AHI1: variants seen among roughly 807,000 people sequenced by gnomAD.
AHI1 encodes Abelson helper integration site 1.
In AHI1, 123 loss-of-function variants were observed where a neutral mutation model predicts 149.3. That is an observed-to-expected ratio of 0.82 (90% CI 0.71 to 0.96). AHI1 has a LOEUF of 0.96. AHI1 is among the 40% of genes least tolerant of loss of function. The probability of loss-of-function intolerance (pLI) is 0.00; values close to 1 mark genes in which losing one functional copy is unlikely to be tolerated. For synonymous variants in AHI1, 475 were observed against 459.8 expected (o/e 1.03, Z -0.42); for missense variants, 1,439 against 1,422.7 (o/e 1.01, Z -0.18).
At chr6:135,440,275 G>A (rs1482048603) in intron 14 of AHI1, among the ~76,000 whole-genome samples, 1 of 152,118 alleles carries the variant, frequency 6.6e-6, no homozygotes, top group Admixed American at 6.5e-5. Context: ...TGGGAGGACA[G>A]CCCTAACCCT....
chr6:135,301,845 C>T (rs1206399126), intron 26 of AHI1: 1 of 985,306 alleles, frequency 1.0e-6, no homozygotes. Flanking sequence ...ACTACTAATT[C>T]AGACTGCCCT....
At chr6:135,348,540 C>T (rs1791596033) in intron 24 of AHI1, among the ~76,000 whole-genome samples, 1 of 152,114 alleles carries the variant, frequency 6.6e-6, no homozygotes, top group Non-Finnish European at 1.5e-5. Flanking sequence ...TAACACTCCT[C>T]ATGCAAAATT....
At position 135,318,580 on chromosome 6, in the gene AHI1, C is replaced by T. The variant is rs372888581; in HGVS notation, c.3365G>A (p.Arg1122Gln). 16 of 1,605,542 alleles carry T rather than the reference C, an allele frequency of 1.0e-5. No individual in the cohort carries two copies. Among genetic ancestry groups the T allele is most frequent in the Admixed American group, 6.8e-5 (4 of 58,978 alleles). ...TTCCTCAGGGCTTAAAGGAGGGGAT[C>T]GCTCCTTTATCTCAGGAGGCAGTTC... The part of the protein sequence containing the change: ...YQELPPEIKE[R>Q]SPPLSPEEKT... The change falls in exon 26 of 29, where the codon CGA (arginine) becomes CAA (glutamine). Residue 1122 changes from arginine (R) to glutamine (Q), a missense_variant. Coordinates refer to ENST00000265602, the MANE Select transcript of AHI1 (RefSeq NM_001134831.2).
At chr6:135,490,813 G>C in intron 4 of AHI1, 66 bp from the exon 5 acceptor site, 1 of 1,537,058 alleles carries the variant, frequency 6.5e-7, no homozygotes, top group East Asian at 2.3e-5. Context: ...TACACTACTA[G>C]GATGTTAAGA....
chr6:135,411,368 G>T lies in AHI1; in HGVS notation c.2941C>A (p.Gln981Lys). The T allele has an allele frequency of 6.2e-7, 1 of 1,613,796 alleles. No homozygotes were observed. Among genetic ancestry groups the T allele is most frequent in the Non-Finnish European group, 8.5e-7 (1 of 1,179,738 alleles). ...SSSTKMQLVK[Q>K]RLETVTEVIR... Reference sequence around the variant, plus strand: ...CTTACTGTGACAGTTTCAAGCCTCTGTTTTACTAGCTGCATCTTCGTTGAA... The same window carrying T: ...CTTACTGTGACAGTTTCAAGCCTCTTTTTTACTAGCTGCATCTTCGTTGAA... Residue 981 changes from glutamine to lysine, a missense_variant, in exon 21 of 29, where the codon CAG (glutamine) becomes AAG (lysine). By Grantham distance (53) the Gln-to-Lys change is moderately conservative (BLOSUM62 1). Coordinates refer to ENST00000265602, the MANE Select transcript of AHI1 (RefSeq NM_001134831.2).
intron 24 of AHI1, among the ~76,000 whole-genome samples, chr6:135,344,600 G>A (rs1205663100): frequency 1.3e-5 from 2 of 151,292 alleles, no homozygotes; most frequent in Non-Finnish European, 3.0e-5. Flanking sequence ...ATATAGATTT[G>A]TTAACTTCAA....
At chr6:135,378,156 A>T (rs1212387170) in intron 23 of AHI1, among the ~76,000 whole-genome samples, 1 of 152,146 alleles carries the variant, frequency 6.6e-6, no homozygotes. Flanking sequence ...ACTGGCTCTG[A>T]CAATTGTTAG....
chr6:135,390,104 C>T (rs1778267939), intron 23 of AHI1, among the ~76,000 whole-genome samples: 3 of 151,928 alleles, frequency 2.0e-5, no homozygotes, highest in Admixed American at 2.0e-4. Flanking sequence ...TCCAATGTGG[C>T]CCTGGGAAGC....
chr6:135,383,226 C>CTTTTTTTT lies in AHI1; in HGVS notation c.3109+11542_3109+11549dup, dbSNP rs764546253. Reference sequence around the variant, plus strand: ...GATTGATTCCTTCCTTCCCCCCTCCCTTTTTTTTTTTTTTTTTTTTTGAGA... The same window carrying CTTTTTTTT: ...GATTGATTCCTTCCTTCCCCCCTCCCTTTTTTTTTTTTTTTTTTTTTTTTTTTTTGAGA... On this transcript the variant is annotated intron_variant, in intron 23 of 28. Coordinates refer to ENST00000265602, the MANE Select transcript of AHI1 (RefSeq NM_001134831.2). Among the ~76,000 whole-genome samples, 375 of 76,860 alleles carry CTTTTTTTT rather than the reference C, an allele frequency of 4.9e-3. 70 individuals carry two copies. The highest frequency in any genetic ancestry group is 0.019 in the Middle Eastern group (1 of 54). The allele number at this position is 76,860 out of a possible 152,430, so 50.4% of individuals were successfully genotyped here.
intron 13 of AHI1, among the ~76,000 whole-genome samples, chr6:135,443,417 A>G (rs564024823): frequency 2.0e-5 from 3 of 152,312 alleles, no homozygotes; most frequent in African/African-American, 7.2e-5. Context: ...TTATAATTCA[A>G]AAAGTTGAAG....
In AHI1 at chr6:135,286,183, A is replaced by G. The variant is rs144733682; in HGVS notation, c.3589-536T>C. On this transcript the variant is annotated intron_variant, in intron 28 of 28. Coordinates refer to ENST00000265602, the MANE Select transcript of AHI1 (RefSeq NM_001134831.2). The stretch of plus-strand genomic sequence containing the variant: ...AAATGGGCTGTCTCATTTTTGACCA[A>G]GATAGTAACAATCAAGCATCCAGAT... Among the ~76,000 whole-genome samples, 1,492 of 152,334 alleles carry G rather than the reference A, an allele frequency of 9.8e-3. 36 individuals carry two copies. Among genetic ancestry groups the G allele is most frequent in the African/African-American group, 0.034 (1,433 of 41,560 alleles).
chr6:135,359,104 T>G (rs1793448389), intron 23 of AHI1, among the ~76,000 whole-genome samples: 1 of 152,224 alleles, frequency 6.6e-6, no homozygotes. Flanking sequence ...CTCATTTTTC[T>G]TAAAGTACGG....
At chr6:135,292,203 T>G (rs903739282) in intron 27 of AHI1, among the ~76,000 whole-genome samples, 3 of 152,042 alleles carry the variant, frequency 2.0e-5, no homozygotes, top group African/African-American at 7.2e-5. Context: ...GGCACTGCCC[T>G]ACTTTTGTGC....
chr6:135,309,411 A>C (rs980228171), intron 26 of AHI1, among the ~76,000 whole-genome samples: 6 of 152,192 alleles, frequency 3.9e-5, no homozygotes, highest in African/African-American at 1.4e-4. Context: ...ATTGAAACAA[A>C]TTAGGGGAAA....
intron 23 of AHI1, among the ~76,000 whole-genome samples, chr6:135,365,788 G>C (rs1323698132): frequency 6.6e-6 from 1 of 152,158 alleles, no homozygotes; most frequent in African/African-American, 2.4e-5. Flanking sequence ...TTACTGATTT[G>C]AATGTCCTTT....
chr6:135,320,676 T>G (rs571925116), intron 25 of AHI1, among the ~76,000 whole-genome samples: 1 of 152,286 alleles, frequency 6.6e-6, no homozygotes, highest in Admixed American at 6.5e-5. Context: ...GTAAACTACA[T>G]TCTCAAATTA....
At chr6:135,296,721 T>G (rs1328100732) in intron 27 of AHI1, among the ~76,000 whole-genome samples, 1 of 152,208 alleles carries the variant, frequency 6.6e-6, no homozygotes, top group East Asian at 1.9e-4. Flanking sequence ...CTCCATACTG[T>G]AGCACACATC....
At chr6:135,446,644 C>G (rs948901643) in intron 13 of AHI1, among the ~76,000 whole-genome samples, 4 of 152,112 alleles carry the variant, frequency 2.6e-5, no homozygotes, top group Non-Finnish European at 5.9e-5. Context: ...GGCTCCAAGT[C>G]AAAAAGTGGA....
intron 20 of AHI1, among the ~76,000 whole-genome samples, chr6:135,411,770 C>A (rs1252459361): frequency 6.6e-6 from 1 of 151,930 alleles, no homozygotes; most frequent in East Asian, 1.9e-4. Context: ...GCTGTGAAGG[C>A]CATGTAAACT....
Sources: gnomAD v4.1 joint callset for allele counts (sites outside exome capture counted in the v4.1 genomes callset) on GRCh38, gnomAD v4.1.1 for gene constraint, MANE v1.5 for transcripts, NCBI Gene and HGNC (gene_info 2026-07-23, HGNC 2026-07-21) for gene names.